The following ATL2 variants were observed in gnomAD, a reference collection of about 807,000 sequenced individuals.
The protein encoded by ATL2 is atlastin-2.
In ATL2, 31 loss-of-function variants were observed where a neutral mutation model predicts 73.9. The ratio of observed to expected loss-of-function variants is 0.42; its 90% CI spans 0.32 to 0.57. The LOEUF is 0.57. ATL2 is among the 20% of genes least tolerant of loss of function. The pLI, the probability that ATL2 is intolerant of heterozygous loss-of-function variation, is 0.14. For missense variants in ATL2, 738 were observed against 702.6 expected (o/e 1.05, Z -0.57); for synonymous variants, 291 against 237.5 (o/e 1.23, Z -2.07).
At chr2:38,298,067 A>G in intron 12 of ATL2, 77 bp downstream of exon 12, 1 of 1,357,972 alleles carries the variant, frequency 7.4e-7, no homozygotes, top group Non-Finnish European at 1.0e-6. Flanking sequence ...GCAAAGTCGG[A>G]GTACAAATAC....
chr2:38,366,099 A>G (rs1387749525), intron 1 of ATL2, among the ~76,000 whole-genome samples: 38 of 146,694 alleles, frequency 2.6e-4, no homozygotes, highest in African/African-American at 9.0e-4. Flanking sequence ...ACTAATTTGA[A>G]AAAAAAAAAA....
chr2:38,309,127 T>G (rs1387734082), intron 9 of ATL2, among the ~76,000 whole-genome samples: 5 of 152,122 alleles, frequency 3.3e-5, no homozygotes, highest in Non-Finnish European at 7.4e-5. Context: ...GCTTGTTCTC[T>G]CCATATCTGA....
intron 1 of ATL2, among the ~76,000 whole-genome samples, chr2:38,348,784 G>A (rs1416088181): frequency 3.3e-5 from 5 of 151,836 alleles, no homozygotes; most frequent in Admixed American, 2.0e-4. Flanking sequence ...CTGACAAAGG[G>A]CTAATATCCA....
At chr2:38,336,856 C>T (rs1669385039) in intron 2 of ATL2, among the ~76,000 whole-genome samples, 1 of 152,178 alleles carries the variant, frequency 6.6e-6, no homozygotes, top group Non-Finnish European at 1.5e-5. Context: ...AAAACCGTTA[C>T]ATCACAAAAT....
chr2:38,314,853 C>A (rs1573459067), intron 5 of ATL2, among the ~76,000 whole-genome samples, 189 bp from the exon 6 acceptor site: 1 of 152,176 alleles, frequency 6.6e-6, no homozygotes, highest in Admixed American at 6.5e-5. Flanking sequence ...CCAGTTTAAA[C>A]CCATATAACA....
intron 9 of ATL2, among the ~76,000 whole-genome samples, chr2:38,307,856 G>A (rs1029318165): frequency 6.6e-6 from 1 of 152,024 alleles, no homozygotes; most frequent in Non-Finnish European, 1.5e-5. Flanking sequence ...TACAGGATAT[G>A]AAAACATCAC....
chr2:38,304,939 G>A (rs1053925419), intron 9 of ATL2, among the ~76,000 whole-genome samples: 1 of 152,108 alleles, frequency 6.6e-6, no homozygotes, highest in Non-Finnish European at 1.5e-5. Flanking sequence ...GTAACATTGA[G>A]TGTAAATGGG....
chr2:38,343,427 T>C lies in ATL2; in HGVS notation c.204A>G (p.Glu68=). The C allele has an allele frequency of 1.9e-6, 3 of 1,613,432 alleles. No homozygotes were observed. The highest frequency in any genetic ancestry group is 1.7e-6 in the Non-Finnish European group (2 of 1,179,802). ...CATCAAGTTCAAAGTTATGGTCATC[T>C]TCATGAGCAAGAACAATCTGTACTG... is the stretch of plus-strand genomic sequence containing the variant. ...PCPVQIVLAH[E]DDHNFELDEE... Residue 68 remains glutamate, a synonymous_variant, in exon 2 of 13, where the codon GAA becomes GAG. Coordinates refer to ENST00000378954, the MANE Select transcript of ATL2 (RefSeq NM_001135673.4).
intron 1 of ATL2, among the ~76,000 whole-genome samples, chr2:38,370,741 G>A (rs1671640258): frequency 6.6e-6 from 1 of 152,042 alleles, no homozygotes; most frequent in Non-Finnish European, 1.5e-5. Flanking sequence ...ACTCCAGCCT[G>A]AGTGACAGAG....
intron 9 of ATL2, among the ~76,000 whole-genome samples, chr2:38,307,724 C>A (rs1667529255): frequency 6.6e-6 from 1 of 151,750 alleles, no homozygotes; most frequent in African/African-American, 2.4e-5. Context: ...GGATTAGTAA[C>A]CAGACTATAT....
At chr2:38,329,312 C>T (rs997065876) in intron 2 of ATL2, among the ~76,000 whole-genome samples, 1 of 148,224 alleles carries the variant, frequency 6.7e-6, no homozygotes, top group Non-Finnish European at 1.5e-5. Context: ...CCTGTAATCC[C>T]AGCTACCCAG....
chr2:38,367,941 C>CTT (rs1044102346), intron 1 of ATL2, among the ~76,000 whole-genome samples: 11 of 135,892 alleles, frequency 8.1e-5, no homozygotes, highest in East Asian at 2.2e-4. Flanking sequence ...CCTAAAACAA[C>CTT]TTTTTTTTTT....
intron 1 of ATL2, chr2:38,376,255 G>A (rs1671957454): frequency 1.4e-6 from 2 of 1,419,246 alleles, no homozygotes; most frequent in East Asian, 2.5e-5. Context: ...CCTATAAATA[G>A]GGGTGTTATG....
At chr2:38,314,069 G>C (rs2148427814) in intron 6 of ATL2, among the ~76,000 whole-genome samples, 1 of 152,218 alleles carries the variant, frequency 6.6e-6, no homozygotes, top group African/African-American at 2.4e-5. Flanking sequence ...TGTCATACCG[G>C]AAAGGCTTCA....
chr2:38,366,164 G>C (rs948240629), intron 1 of ATL2, among the ~76,000 whole-genome samples: 3 of 150,468 alleles, frequency 2.0e-5, no homozygotes, highest in Non-Finnish European at 2.9e-5. Flanking sequence ...TCCCCTCTTA[G>C]TTTGGCAATT....
intron 1 of ATL2, among the ~76,000 whole-genome samples, chr2:38,374,795 A>C (rs1671870252): frequency 6.6e-6 from 1 of 152,246 alleles, no homozygotes; most frequent in South Asian, 2.1e-4. Context: ...ATTTTGGAAA[A>C]GGTCTAACAA....
At chr2:38,338,707 G>T (rs906962728) in intron 2 of ATL2, among the ~76,000 whole-genome samples, 7 of 152,048 alleles carry the variant, frequency 4.6e-5, no homozygotes, top group African/African-American at 1.4e-4. Context: ...AGTCTGCAGT[G>T]GTGAAACCTG....
chr2:38,299,116 G>A (rs1213623358), intron 11 of ATL2, 140 bp downstream of exon 11: 5 of 685,692 alleles, frequency 7.3e-6, no homozygotes, highest in Non-Finnish European at 1.1e-5. Context: ...TTCCAGCAAA[G>A]ACCATAAAGG....
intron 2 of ATL2, among the ~76,000 whole-genome samples, chr2:38,333,517 T>C (rs538823948): frequency 2.4e-4 from 37 of 152,334 alleles, no homozygotes; most frequent in Admixed American, 1.4e-3. Flanking sequence ...AGTTTGTTGC[T>C]TGAGGTATTT....
Sources: gnomAD v4.1 joint callset for allele counts (sites outside exome capture counted in the v4.1 genomes callset) on GRCh38, gnomAD v4.1.1 for gene constraint, MANE v1.5 for transcripts, NCBI Gene and HGNC (gene_info 2026-07-23, HGNC 2026-07-21) for gene names.